IMPG2: variants seen among roughly 807,000 people sequenced by gnomAD.
The protein encoded by IMPG2 is interphotoreceptor matrix proteoglycan 2.
In IMPG2, 91 loss-of-function variants were observed where a neutral mutation model predicts 129.2. The observed-to-expected ratio is 0.70, with a 90% CI of 0.59 to 0.84. The LOEUF is 0.84. Among genes scored for constraint, IMPG2 ranks in the 40% least tolerant of loss-of-function variants. The pLI, the probability that IMPG2 is intolerant of heterozygous loss-of-function variation, is 0.00. For synonymous variants in IMPG2, 510 were observed against 517.7 expected (o/e 0.99, Z 0.20); for missense variants, 1,430 against 1,461.7 (o/e 0.98, Z 0.35).
intron 9 of IMPG2, among the ~76,000 whole-genome samples, chr3:101,259,425 A>G (rs1258416789): frequency 6.6e-6 from 1 of 152,038 alleles, no homozygotes; most frequent in East Asian, 1.9e-4. Flanking sequence ...GAACTTATAT[A>G]TTCTTATCTA....
At position 101,307,928 on chromosome 3, in the gene IMPG2, C is replaced by T. The variant is rs115380355; in HGVS notation, c.335-3616G>A. On this transcript the variant is annotated intron_variant, in intron 2 of 18. Coordinates refer to ENST00000193391, the MANE Select transcript of IMPG2 (RefSeq NM_016247.4). ...CAAGTTAGTTCCTTCCTAGATACAACGGAGGTACAGACTTTGGGTAAATAC... is the reference window on the plus strand; with the variant it reads ...CAAGTTAGTTCCTTCCTAGATACAATGGAGGTACAGACTTTGGGTAAATAC... Among the ~76,000 whole-genome samples the T allele has an allele frequency of 4.7e-3, 712 of 152,280 alleles. 8 individuals carry two copies. The highest frequency in any genetic ancestry group is 0.012 in the African/African-American group (502 of 41,554).
intron 18 of IMPG2, 44 bp downstream of exon 18, chr3:101,228,753 G>T: frequency 1.4e-6 from 2 of 1,465,618 alleles, no homozygotes; most frequent in Non-Finnish European, 1.9e-6. Flanking sequence ...AGAGTAAACT[G>T]TTAAGTCTGT....
At chr3:101,249,117 C>T (rs573158455) in intron 11 of IMPG2, among the ~76,000 whole-genome samples, 1 of 152,312 alleles carries the variant, frequency 6.6e-6, no homozygotes, top group African/African-American at 2.4e-5. Flanking sequence ...AGCATTTCCT[C>T]TCCTTCCTCT....
rs886616380 is a variant in IMPG2 at position 101,223,614 on chromosome 3, C to G, written c.*3355G>C. The G allele has an allele frequency of 6.6e-6, 1 of 152,150 alleles. No homozygotes were observed. Among genetic ancestry groups the G allele is most frequent in the African/African-American group, 2.4e-5 (1 of 41,424 alleles). The allele number at this position is 152,150 out of a possible 1,614,324, so 9.4% of individuals were successfully genotyped here. On this transcript the variant is annotated 3_prime_UTR_variant, in exon 19 of 19. Coordinates refer to ENST00000193391, the MANE Select transcript of IMPG2 (RefSeq NM_016247.4). The stretch of plus-strand genomic sequence containing the variant: ...ATTAGTTCAGGTATCATACTTCAGC[C>G]AACCTACTTTTAGAGCCTACAAAGA...
At chr3:101,247,583 G>A (rs1309552022) in intron 11 of IMPG2, among the ~76,000 whole-genome samples, 1 of 139,868 alleles carries the variant, frequency 7.1e-6, no homozygotes, top group Admixed American at 7.5e-5. Flanking sequence ...GGCAACAAGA[G>A]CAAAACTCCG....
intron 4 of IMPG2, among the ~76,000 whole-genome samples, chr3:101,277,359 G>T (rs1400528936): frequency 6.6e-6 from 1 of 152,120 alleles, no homozygotes; most frequent in Non-Finnish European, 1.5e-5. Context: ...TATATTTTGG[G>T]GATAAATGAA....
rs10575719 is a variant in IMPG2, at chr3:101,272,099, GCACACA to G, written c.828+1476_828+1481del. On this transcript the variant is annotated intron_variant, in intron 7 of 18. Transcript: ENST00000193391. ...CCCCACTTCTTATCCTTTTACACAC[GCACACA>G]CACACACACACACACATACACACAC... Among the ~76,000 whole-genome samples the G allele has an allele frequency of 2.3e-4, 34 of 149,182 alleles. No individual in the cohort carries two copies. In the South Asian group the frequency reaches 3.9e-3, roughly 17 times the overall value.
rs376291735 is a variant in IMPG2 at position 101,226,835 on chromosome 3, G to A, written c.*134C>T. The A allele has an allele frequency of 1.1e-4, 90 of 848,996 alleles. 1 individual carries two copies. Among genetic ancestry groups the A allele is most frequent in the East Asian group, 6.8e-4 (27 of 39,862 alleles). 52.6% of individuals were successfully genotyped at this position (848,996 alleles called of 1,614,324 possible). A position where few individuals can be genotyped will look rare whatever the true frequency, so the allele number is the denominator to read the frequency against. ...ACTTAAGCTGAAAAAAAAACAGTGT[G>A]CCCTATATTTAATTTTTTCATAGAA... On this transcript the variant is annotated 3_prime_UTR_variant, in exon 19 of 19. Coordinates refer to ENST00000193391, the MANE Select transcript of IMPG2 (RefSeq NM_016247.4).
At chr3:101,288,454 T>A (rs917171642) in intron 4 of IMPG2, among the ~76,000 whole-genome samples, 2 of 152,164 alleles carry the variant, frequency 1.3e-5, no homozygotes, top group Non-Finnish European at 2.9e-5. Flanking sequence ...TCAATCGAGG[T>A]GCCCATCAAT....
intron 14 of IMPG2, among the ~76,000 whole-genome samples, chr3:101,235,276 CTG>C (rs1181211697): frequency 6.6e-6 from 1 of 152,218 alleles, no homozygotes; most frequent in Non-Finnish European, 1.5e-5. Flanking sequence ...TGTTGTGCAT[CTG>C]TGTTTTGACT....
At chr3:101,289,293 G>T (rs1229932057) in intron 4 of IMPG2, among the ~76,000 whole-genome samples, 1 of 152,036 alleles carries the variant, frequency 6.6e-6, no homozygotes, top group Admixed American at 6.5e-5. Flanking sequence ...CACAGTAAAA[G>T]GCAGTATTAA....
At chr3:101,316,348 C>A (rs955608474) in intron 2 of IMPG2, among the ~76,000 whole-genome samples, 1 of 151,744 alleles carries the variant, frequency 6.6e-6, no homozygotes, top group Non-Finnish European at 1.5e-5. Flanking sequence ...AAAATGTATG[C>A]AAAATATATG....
chr3:101,307,489 G>A (rs1359618526), intron 2 of IMPG2, among the ~76,000 whole-genome samples: 1 of 152,130 alleles, frequency 6.6e-6, no homozygotes, highest in Non-Finnish European at 1.5e-5. Context: ...TGGAAGGGAA[G>A]CAAACACATC....
chr3:101,268,062 CTTCATTAAGAT>C (rs1706740505), intron 8 of IMPG2, among the ~76,000 whole-genome samples: 1 of 152,138 alleles, frequency 6.6e-6, no homozygotes, highest in Admixed American at 6.5e-5. Flanking sequence ...TTGATTTAAT[CTTCATTAAGAT>C]TTATTAGTAT....
chr3:101,277,957 G>A (rs1038940163), intron 4 of IMPG2, among the ~76,000 whole-genome samples: 1 of 152,156 alleles, frequency 6.6e-6, no homozygotes, highest in Non-Finnish European at 1.5e-5. Flanking sequence ...TCTTCAAGTT[G>A]GGCACAGTGG....
At chr3:101,299,221 CTG>C (rs1707114443) in intron 3 of IMPG2, among the ~76,000 whole-genome samples, 1 of 152,168 alleles carries the variant, frequency 6.6e-6, no homozygotes, top group Admixed American at 6.5e-5. Flanking sequence ...AGTTCTCATG[CTG>C]TGTTTTTGAG....
At chr3:101,236,540 C>A (rs1453839997) in intron 14 of IMPG2, among the ~76,000 whole-genome samples, 1 of 152,142 alleles carries the variant, frequency 6.6e-6, no homozygotes, top group Non-Finnish European at 1.5e-5. Flanking sequence ...GTGGGTGCAG[C>A]CCACAGAGGG....
chr3:101,229,247 TA>T, intron 17 of IMPG2, 132 bp downstream of exon 17: 2 of 779,258 alleles, frequency 2.6e-6, no homozygotes, highest in Non-Finnish European at 4.4e-6. Flanking sequence ...AATTACTAAA[TA>T]TTTTTTACAC....
chr3:101,231,389 G>A (rs1220460960), intron 15 of IMPG2, among the ~76,000 whole-genome samples: 1 of 152,152 alleles, frequency 6.6e-6, no homozygotes, highest in Non-Finnish European at 1.5e-5. Context: ...AGCTAAATAG[G>A]TTTAAGGAAA....
Sources: allele counts gnomAD v4.1 joint callset (sites outside exome capture counted in the v4.1 genomes callset), GRCh38; gene constraint gnomAD v4.1.1; transcripts MANE v1.5; gene names NCBI Gene and HGNC (gene_info 2026-07-23, HGNC 2026-07-21).